HCN2: variants seen among roughly 807,000 people sequenced by gnomAD.
The protein encoded by HCN2 is potassium/sodium hyperpolarization-activated cyclic nucleotide-gated channel 2.
Under a neutral mutation model 52.3 loss-of-function variants are expected in HCN2, and 20 were observed. The observed-to-expected ratio is 0.38, with a 90% CI of 0.27 to 0.56. HCN2 has a LOEUF of 0.56. Among genes scored for constraint, HCN2 ranks in the 20% least tolerant of loss-of-function variants. The pLI is 0.71. For missense variants in HCN2, 981 were observed against 1,207.7 expected, an observed-to-expected ratio of 0.81 and a Z score of 2.78; for synonymous variants, 694 against 537.0, an observed-to-expected ratio of 1.29 and a Z score of -4.04.
chr19:590,436 A>G lies in HCN2; in HGVS notation c.491A>G (p.Gln164Arg). The G allele has an allele frequency of 6.7e-7, 1 of 1,492,464 alleles. No homozygotes were observed. Among genetic ancestry groups the G allele is most frequent in the Non-Finnish European group, 9.0e-7 (1 of 1,113,930 alleles). The allele number at this position is 1,492,464 out of a possible 1,614,324, so 92.5% of individuals were successfully genotyped here. A position where few individuals can be genotyped will look rare whatever the true frequency, so the allele number is the denominator to read the frequency against. The change falls in exon 1 of 8, where the codon CAG becomes CGG. Residue 164 changes from glutamine to arginine, a missense_variant. Physicochemically the swap from Gln to Arg is conservative, Grantham distance 43 (BLOSUM62 1). Coordinates refer to ENST00000251287, the MANE Select transcript of HCN2 (RefSeq NM_001194.4). The surrounding 1 kb of genome is among the most constrained non-coding windows in gnomAD (Gnocchi z 7.2). ...CGCGGCAGCCAGGCCAGCTTCATGC[A>G]GCGCCAGTTCGGCGCGCTCCTGCAG... is the stretch of plus-strand genomic sequence containing the variant. Reference protein sequence around the residue: ...EPRGSQASFMQRQFGALLQPG... With the variant: ...EPRGSQASFMRRQFGALLQPG...
In HCN2 at chr19:590,034, C is replaced by A. The variant is rs1462644711; in HGVS notation, c.89C>A (p.Pro30His). The A allele has an allele frequency of 2.4e-5, 14 of 589,338 alleles. No individual in the cohort carries two copies. Among genetic ancestry groups the A allele is most frequent in the Non-Finnish European group, 2.7e-5 (13 of 478,150 alleles). The allele number at this position is 589,338 out of a possible 1,614,324, so 36.5% of individuals were successfully genotyped here. Residue 30 changes from proline to histidine, a missense_variant, in exon 1 of 8, where the codon CCC becomes CAC. Pro to His is a moderately conservative substitution (Grantham distance 77). Around this residue, in one of 6 missense-constraint regions of HCN2, gnomAD observed 215 missense variants for 179.4 expected, o/e 1.20. Coordinates refer to ENST00000251287, the MANE Select transcript of HCN2 (RefSeq NM_001194.4). The surrounding 1 kb of genome is among the most constrained non-coding windows in gnomAD (Gnocchi z 7.2). ...PGPPPPPPPAPPQQQPPPPPP... is the reference protein window; with the variant it reads ...PGPPPPPPPAHPQQQPPPPPP... ...CCGCCGCCGCCGCCGCCGCCCGCGC[C>A]CCCCCAACAGCAGCCGCCGCCGCCG...
In HCN2 at chr19:603,981, G is replaced by A. The variant is rs780166639; in HGVS notation, c.1056+14G>A. On this transcript the variant is annotated intron_variant, in intron 2 of 7. Transcript: ENST00000251287. ...CAGTGGGAGGAGGTGAGGTGGGGCG[G>A]GGGCGGGGCCAAGGCAGCAGGGGCG... 6.3e-7 allele frequency: 1 copy of A among 1,585,970 alleles called. No homozygotes were observed. The highest frequency in any genetic ancestry group is 8.6e-7 in the Non-Finnish European group (1 of 1,168,374).
chr19:608,017 C>T lies in HCN2; in HGVS notation c.1272C>T (p.His424=). 1 of 1,613,096 alleles carries T rather than the reference C, an allele frequency of 6.2e-7. No homozygotes were observed. Among genetic ancestry groups the T allele is most frequent in the Admixed American group, 1.7e-5 (1 of 60,034 alleles). The change falls in exon 4 of 8, where the codon CAC becomes CAT. Residue 424 remains histidine, a synonymous_variant. Coordinates refer to ENST00000251287, the MANE Select transcript of HCN2 (RefSeq NM_001194.4). ...TCGCACTCTTCAAGGCCATGAGCCA[C>T]ATGCTGTGCATCGGGTACGGCCGGC... is the stretch of plus-strand genomic sequence containing the variant. ...YSFALFKAMS[H]MLCIGYGRQA... is the part of the protein sequence containing the mutation.
rs550300260 is a variant in HCN2, at chr19:615,430, T to C, written c.1991-365T>C. ...TCGGGAGGATGAGGCAGGAGAATGG[T>C]GTGAACCCGGGAGGTGGACCTTGCA... is the stretch of plus-strand genomic sequence containing the variant. On this transcript the variant is annotated intron_variant, in intron 7 of 7. Transcript: ENST00000251287. Among the ~76,000 whole-genome samples, 27 of 152,072 alleles carry C rather than the reference T, an allele frequency of 1.8e-4. No individual in the cohort carries two copies. In the South Asian group the frequency reaches 4.6e-3, roughly 26 times the overall value.
At position 607,956 on chromosome 19, in the gene HCN2, C is replaced by G; in HGVS notation, c.1219-8C>G. ...TGCCCACCACCGCCCCTCCTGCTGG[C>G]CTTGCAGAACCACTCGTGGAGTGAA... On this transcript the variant is annotated splice_polypyrimidine_tract_variant and splice_region_variant and intron_variant, in intron 3 of 7. Transcript: ENST00000251287. The G allele has an allele frequency of 6.2e-7, 1 of 1,603,884 alleles. No individual in the cohort carries two copies. Among genetic ancestry groups the G allele is most frequent in the Non-Finnish European group, 8.5e-7 (1 of 1,173,874 alleles).
intron 3 of HCN2, among the ~76,000 whole-genome samples, chr19:606,056 A>T (rs958141555): frequency 2.0e-5 from 3 of 152,140 alleles, no homozygotes; most frequent in Non-Finnish European, 4.4e-5. Flanking sequence ...GCGTTTTCCA[A>T]TGGATTTCCC....
At chr19:609,541 C>T (rs771939014) in intron 4 of HCN2, among the ~76,000 whole-genome samples, 37 of 152,156 alleles carry the variant, frequency 2.4e-4, no homozygotes, top group East Asian at 5.8e-4. Flanking sequence ...CGAGACAGGC[C>T]GATCGCCTGA....
rs117582572 is a variant in HCN2, at chr19:592,636, G to A, written c.632+2059G>A. 0.026 allele frequency among the ~76,000 whole-genome samples: 3,969 copies of A among 152,184 alleles called. 63 individuals are homozygous for A. Among genetic ancestry groups the A allele is most frequent in the Middle Eastern group, 0.041 (12 of 292 alleles). ...CTGTCTTCGGGACTAGGGGAGTCAC[G>A]GCAGTCAGATTTTAAAAAAGGATTT... On this transcript the variant is annotated intron_variant, in intron 1 of 7. Transcript: ENST00000251287. This position sits in a 1 kb window ranked among gnomAD's most constrained non-coding sequence, Gnocchi z 4.8.
At chr19:593,387 C>T (rs1982930360) in intron 1 of HCN2, among the ~76,000 whole-genome samples, 1 of 152,262 alleles carries the variant, frequency 6.6e-6, no homozygotes, top group African/African-American at 2.4e-5. Context: ...GAGGCTGAGG[C>T]GGGCGGATCA....
In HCN2 at chr19:590,394, G is replaced by C. The variant is rs1172334880; in HGVS notation, c.449G>C (p.Gly150Ala). Residue 150 changes from glycine to alanine, a missense_variant, in exon 1 of 8, where the codon GGC (glycine) becomes GCC (alanine). Coordinates refer to ENST00000251287, the MANE Select transcript of HCN2 (RefSeq NM_001194.4). This position sits in a 1 kb window ranked among gnomAD's most constrained non-coding sequence, Gnocchi z 7.2. ...PAEEAGSEEAGPAGEPRGSQA... is the reference protein window; with the variant it reads ...PAEEAGSEEAAPAGEPRGSQA... ...GAGGAGGCGGGCAGCGAGGAGGCGG[G>C]CCCGGCGGGGGAGCCGCGCGGCAGC... 4 of 1,287,530 alleles carry C rather than the reference G, an allele frequency of 3.1e-6. No homozygotes were observed. Among genetic ancestry groups the C allele is most frequent in the Non-Finnish European group, 4.0e-6 (4 of 1,007,552 alleles). 79.8% of individuals were successfully genotyped at this position (1,287,530 alleles called of 1,614,324 possible).
chr19:609,579 A>T (rs1490835092), intron 4 of HCN2, among the ~76,000 whole-genome samples: 1 of 152,254 alleles, frequency 6.6e-6, no homozygotes, highest in Non-Finnish European at 1.5e-5. Flanking sequence ...CAGCCTGAGC[A>T]ACACGGCGAG....
At chr19:607,637 C>A (rs76205922) in intron 3 of HCN2, among the ~76,000 whole-genome samples, 2,028 of 152,318 alleles carry the variant, frequency 0.013, 24 homozygotes, top group East Asian at 0.05. Flanking sequence ...CAGATGCTCC[C>A]TGGAACTTTT....
chr19:614,753 C>T (rs1208959156), intron 7 of HCN2, among the ~76,000 whole-genome samples: 1 of 151,924 alleles, frequency 6.6e-6, no homozygotes, highest in Non-Finnish European at 1.5e-5. Flanking sequence ...AGGACCTGGT[C>T]AGATTGTATC....
intron 1 of HCN2, among the ~76,000 whole-genome samples, chr19:598,386 A>C (rs1788114050): frequency 6.6e-6 from 1 of 151,112 alleles, no homozygotes; most frequent in Non-Finnish European, 1.5e-5. Flanking sequence ...GGCTCACTGC[A>C]GCCTCGACTT....
intron 1 of HCN2, among the ~76,000 whole-genome samples, chr19:599,148 G>A (rs558845250): frequency 2.0e-5 from 3 of 152,382 alleles, no homozygotes; most frequent in South Asian, 4.1e-4. Context: ...CTTGCAGACC[G>A]AGCTGCTGTG....
intron 1 of HCN2, among the ~76,000 whole-genome samples, chr19:600,592 A>G (rs940866919): frequency 6.7e-6 from 1 of 149,936 alleles, no homozygotes; most frequent in African/African-American, 2.5e-5. Context: ...TGATGCGACC[A>G]CCTTTGCCTC....
chr19:616,324 G>T lies in HCN2; in HGVS notation c.2520G>T (p.Pro840=), dbSNP rs1020685968. Residue 840 remains proline (P), a synonymous_variant, in exon 8 of 8, where the codon CCG becomes CCT. Transcript: ENST00000251287. ...CCGGCCCCGCGGCCTCCACACGCCC[G>T]GCCAGCAGCTCCACACCGCGCTTGG... ...GAPGPAASTR[P]ASSSTPRLGP... The T allele has an allele frequency of 5.1e-6, 6 of 1,169,726 alleles. No homozygotes were observed. Among genetic ancestry groups the T allele is most frequent in the Non-Finnish European group, 6.4e-6 (6 of 938,810 alleles). 72.5% of individuals were successfully genotyped at this position (1,169,726 alleles called of 1,614,324 possible).
intron 2 of HCN2, among the ~76,000 whole-genome samples, chr19:604,257 G>A (rs1983323272): frequency 8.8e-6 from 1 of 113,872 alleles, no homozygotes; most frequent in Non-Finnish European, 1.8e-5. Context: ...CAGGGGTGGG[G>A]CTATGGGAGA....
chr19:608,521 C>T (rs954490278), intron 4 of HCN2, among the ~76,000 whole-genome samples: 66 of 141,254 alleles, frequency 4.7e-4, no homozygotes, highest in Middle Eastern at 3.5e-3. Flanking sequence ...GAGAAACGGC[C>T]GGTGGTGAGA....
Sources: allele counts gnomAD v4.1 joint callset (sites outside exome capture counted in the v4.1 genomes callset), GRCh38; gene constraint gnomAD v4.1.1; regional missense constraint gnomAD v4.1.1; non-coding constraint Gnocchi (gnomAD v3.1); transcripts MANE v1.5; gene names NCBI Gene and HGNC (gene_info 2026-07-23, HGNC 2026-07-21).